The following NGFR variants were observed in gnomAD, a reference collection of about 807,000 sequenced individuals.
NGFR encodes tumor necrosis factor receptor superfamily member 16.
Under a neutral mutation model 43.2 loss-of-function variants are expected in NGFR, and 30 were observed. That is an observed-to-expected ratio of 0.69 (90% CI 0.52 to 0.94). The LOEUF is 0.94. Among genes scored for constraint, NGFR ranks in the 40% least tolerant of loss-of-function variants. NGFR has a pLI of 0.00. For missense variants in NGFR, 529 were observed against 602.5 expected (o/e 0.88, Z 1.28); for synonymous variants, 246 against 259.6 (o/e 0.95, Z 0.50).
At chr17:49,506,145 G>C in intron 2 of NGFR, 154 bp from the exon 3 acceptor site, 1 of 1,395,906 alleles carries the variant, frequency 7.2e-7, no homozygotes, top group Non-Finnish European at 9.3e-7. Flanking sequence ...ACAGGCTAGG[G>C]GTCAGGGTCC....
At position 49,512,745 on chromosome 17, in the gene NGFR, C is replaced by G. The variant is rs202106976; in HGVS notation, c.1020C>G (p.Pro340=). 1.2e-6 allele frequency: 2 copies of G among 1,612,070 alleles called. No individual in the cohort carries two copies. Among genetic ancestry groups the G allele is most frequent in the Non-Finnish European group, 1.7e-6 (2 of 1,179,336 alleles). Residue 340 remains proline (P), a synonymous_variant, in exon 6 of 6, where the codon CCC becomes CCG. Transcript: ENST00000172229. The surrounding 1 kb of genome is among the most constrained non-coding windows in gnomAD (Gnocchi z 5.2). ...ACGGAGGCCTCTACAGCAGCCTGCC[C>G]CCAGCCAAGCGGGAGGAGGTGGAGA... ...KGDGGLYSSL[P]PAKREEVEKL...
At chr17:49,510,987 G>A (rs1011153157) in intron 4 of NGFR, 10 of 329,402 alleles carry the variant, frequency 3.0e-5, no homozygotes, top group South Asian at 4.5e-5. Flanking sequence ...AGTCACCTGC[G>A]TGTGCATATG....
intron 1 of NGFR, among the ~76,000 whole-genome samples, chr17:49,498,664 T>A (rs1449551200): frequency 2.6e-5 from 4 of 152,240 alleles, no homozygotes; most frequent in African/African-American, 9.6e-5. Flanking sequence ...TCCTTCCACC[T>A]TAGTTCCTTG....
At chr17:49,497,496 A>T (rs2071145532) in intron 1 of NGFR, 1 of 152,358 alleles carries the variant, frequency 6.6e-6, no homozygotes, top group Non-Finnish European at 1.5e-5. Flanking sequence ...CCAAGGAAGG[A>T]GGGGAGCTGG....
intron 1 of NGFR, among the ~76,000 whole-genome samples, chr17:49,499,747 C>G (rs2071157042): frequency 6.6e-6 from 1 of 152,142 alleles, no homozygotes; most frequent in African/African-American, 2.4e-5. Flanking sequence ...GCCACCACGC[C>G]TGGCTAATAT....
At chr17:49,510,348 G>A in intron 3 of NGFR, 64 bp from the exon 4 acceptor site, 1 of 1,591,678 alleles carries the variant, frequency 6.3e-7, no homozygotes, top group South Asian at 1.1e-5. Flanking sequence ...ACACGGCAGT[G>A]GGTTAGAGCT....
chr17:49,500,655 G>C (rs1295119629), intron 1 of NGFR, among the ~76,000 whole-genome samples: 1 of 152,188 alleles, frequency 6.6e-6, no homozygotes, highest in Non-Finnish European at 1.5e-5. Flanking sequence ...GGGAAAGCCT[G>C]CATCTGGGAC....
In NGFR at chr17:49,495,410, G is replaced by C; in HGVS notation, c.-8G>C. The C allele has an allele frequency of 4.9e-6, 6 of 1,234,480 alleles. No homozygotes were observed. The highest frequency in any genetic ancestry group is 6.1e-6 in the Non-Finnish European group (6 of 988,216). 76.5% of individuals were successfully genotyped at this position (1,234,480 alleles called of 1,614,324 possible). ...CTGGAAGTCGAGCGCTGCCGCGGGA[G>C]GCGGGCGATGGGGGCAGGTGCCACC... On this transcript the variant is annotated 5_prime_UTR_variant, in exon 1 of 6. Coordinates refer to ENST00000172229, the MANE Select transcript of NGFR (RefSeq NM_002507.4). The surrounding 1 kb of genome is among the most constrained non-coding windows in gnomAD (Gnocchi z 6.4).
At chr17:49,499,962 G>C (rs1322433786) in intron 1 of NGFR, among the ~76,000 whole-genome samples, 1 of 152,030 alleles carries the variant, frequency 6.6e-6, no homozygotes, top group Non-Finnish European at 1.5e-5. Context: ...TTAGCGTGGT[G>C]GGGGAAGGGT....
At chr17:49,505,003 C>T (rs557931279) in intron 2 of NGFR, among the ~76,000 whole-genome samples, 9 of 152,026 alleles carry the variant, frequency 5.9e-5, no homozygotes, top group Non-Finnish European at 1.2e-4. Flanking sequence ...AACTCCTGGC[C>T]TCAAGTGATC....
chr17:49,514,475 T>A lies in NGFR; in HGVS notation c.*1466T>A, dbSNP rs1474274412. 1 of 151,924 alleles carries A rather than the reference T, an allele frequency of 6.6e-6. No individual in the cohort carries two copies. The highest frequency in any genetic ancestry group is 2.4e-5 in the African/African-American group (1 of 41,334). The allele number at this position is 151,924 out of a possible 1,614,324, so 9.4% of individuals were successfully genotyped here. A position where few individuals can be genotyped will look rare whatever the true frequency, so the allele number is the denominator to read the frequency against. On this transcript the variant is annotated 3_prime_UTR_variant, in exon 6 of 6. Transcript: ENST00000172229. ...CCAGAAGGGGGCCATGAGGCCTCAGTGGACTTTCCACCCCCTCCCTGGCCT... is the reference window on the plus strand; with the variant it reads ...CCAGAAGGGGGCCATGAGGCCTCAGAGGACTTTCCACCCCCTCCCTGGCCT...
At chr17:49,510,377 A>T in intron 3 of NGFR, 35 bp from the exon 4 acceptor site, 1 of 1,605,618 alleles carries the variant, frequency 6.2e-7, no homozygotes, top group South Asian at 1.1e-5. Flanking sequence ...GGAGTGGGGG[A>T]AGTGGGTCCT....
At position 49,513,890 on chromosome 17, in the gene NGFR, T is replaced by C. The variant is rs2143453230; in HGVS notation, c.*881T>C. 6.6e-6 allele frequency: 1 copy of C among 152,532 alleles called. No homozygotes were observed. The highest frequency in any genetic ancestry group is 2.4e-5 in the African/African-American group (1 of 41,568). The allele number at this position is 152,532 out of a possible 1,614,324, so 9.4% of individuals were successfully genotyped here. ...GGTTTGGGGTTCGTGGAAAGGGTGC[T>C]GCTTCCCTCTGCCTGTCCCTCTCAG... On this transcript the variant is annotated 3_prime_UTR_variant, in exon 6 of 6. Transcript: ENST00000172229.
chr17:49,502,546 C>T (rs974340957), intron 2 of NGFR, among the ~76,000 whole-genome samples: 3 of 152,158 alleles, frequency 2.0e-5, no homozygotes, highest in Admixed American at 2.0e-4. Context: ...ATCATCTGCA[C>T]TGCAAAATCA....
At chr17:49,502,657 G>C (rs1360370679) in intron 2 of NGFR, among the ~76,000 whole-genome samples, 4 of 152,154 alleles carry the variant, frequency 2.6e-5, no homozygotes, top group Admixed American at 1.3e-4. Flanking sequence ...GGGTGTGGCT[G>C]TTCCTCCCTA....
intron 1 of NGFR, 63 bp from the exon 2 acceptor site, chr17:49,502,000 A>AGCCCCCCCCCC: frequency 3.8e-6 from 1 of 264,884 alleles, no homozygotes; most frequent in Non-Finnish European, 7.9e-6. Context: ...CCCCGGAAGA[A>AGCCCCCCCCCC]CCCCCCCCAA....
chr17:49,499,257 A>T (rs772741885), intron 1 of NGFR, among the ~76,000 whole-genome samples: 2 of 152,210 alleles, frequency 1.3e-5, no homozygotes, highest in African/African-American at 2.4e-5. Flanking sequence ...CATTTGCACA[A>T]AGCCCCCACA....
intron 1 of NGFR, 64 bp from the exon 2 acceptor site, chr17:49,501,999 A>ATCGGGCCCCCCCCCC: frequency 3.0e-6 from 1 of 330,984 alleles, no homozygotes. Flanking sequence ...TCCCCGGAAG[A>ATCGGGCCCCCCCCCC]ACCCCCCCCA....
intron 2 of NGFR, among the ~76,000 whole-genome samples, chr17:49,504,773 T>TC (rs1491327773): frequency 2.2e-4 from 11 of 49,960 alleles, no homozygotes; most frequent in Non-Finnish European, 3.4e-4. Context: ...TTCTTTCTTT[T>TC]TTTTTTTTTT....
Sources: allele counts gnomAD v4.1 joint callset (sites outside exome capture counted in the v4.1 genomes callset), GRCh38; gene constraint gnomAD v4.1.1; non-coding constraint Gnocchi (gnomAD v3.1); transcripts MANE v1.5; gene names NCBI Gene and HGNC (gene_info 2026-07-23, HGNC 2026-07-21).